GRB10: variants seen among roughly 807,000 people sequenced by gnomAD.
GRB10 encodes the protein growth factor receptor-bound protein 10.
A neutral mutation model predicts 80.9 loss-of-function variants in GRB10; 20 were observed. The observed-to-expected ratio is 0.25, with a 90% CI of 0.17 to 0.36. The LOEUF is 0.36. Ranked by LOEUF, GRB10 falls within the 10% of genes least tolerant of loss-of-function variation. The pLI is 1.00. For missense variants in GRB10, 548 were observed against 747.7 expected, an observed-to-expected ratio of 0.73 and a Z score of 3.12; for synonymous variants, 291 against 291.5, an observed-to-expected ratio of 1.00 and a Z score of 0.02.
intron 8 of GRB10, among the ~76,000 whole-genome samples, chr7:50,621,544 G>A (rs965233922): frequency 3.9e-5 from 6 of 152,206 alleles, no homozygotes; most frequent in Non-Finnish European, 8.8e-5. Context: ...GCAGCTGAGT[G>A]CCCCTGGCAC....
chr7:50,594,120 C>T (rs768773310), intron 18 of GRB10, among the ~76,000 whole-genome samples: 2 of 152,160 alleles, frequency 1.3e-5, no homozygotes, highest in African/African-American at 2.4e-5. Context: ...CAGCACTTTC[C>T]CTAGGACAGT....
intron 7 of GRB10, among the ~76,000 whole-genome samples, chr7:50,648,584 G>A (rs1376160149): frequency 6.6e-6 from 1 of 152,098 alleles, no homozygotes; most frequent in East Asian, 1.9e-4. Context: ...CAAGTCCTCT[G>A]CCAGCCCAAG....
chr7:50,669,931 G>A, intron 6 of GRB10, 68 bp from the exon 7 acceptor site: 2 of 1,532,706 alleles, frequency 1.3e-6, no homozygotes, highest in South Asian at 2.4e-5. Context: ...TACCACTGTG[G>A]TGATACACCC....
rs2052994932 is a variant in GRB10, at chr7:50,626,804, G to A, written c.661+18C>T. On this transcript the variant is annotated intron_variant, in intron 8 of 18. Coordinates refer to ENST00000401949, the MANE Select transcript of GRB10 (RefSeq NM_001350814.2). ...ATAAGCATCCCCAGGTGCCAATCCT[G>A]TTCTGATGGTTCCCTACCTAATCCT... 1.2e-6 allele frequency: 2 copies of A among 1,614,106 alleles called. No individual in the cohort carries two copies. The highest frequency in any genetic ancestry group is 1.7e-5 in the Admixed American group (1 of 60,024).
intron 4 of GRB10, among the ~76,000 whole-genome samples, chr7:50,731,852 C>T (rs1046280499): frequency 2.0e-5 from 3 of 152,200 alleles, no homozygotes; most frequent in Admixed American, 6.5e-5. Context: ...CACTCCCTCA[C>T]GCGTGAGCAC....
intron 5 of GRB10, among the ~76,000 whole-genome samples, chr7:50,683,139 A>G (rs2061725119): frequency 6.6e-6 from 1 of 152,218 alleles, no homozygotes; most frequent in Non-Finnish European, 1.5e-5. Flanking sequence ...AATATTATTC[A>G]GCCACAAAAA....
intron 7 of GRB10, among the ~76,000 whole-genome samples, chr7:50,661,085 C>T (rs892695671): frequency 1.3e-5 from 2 of 152,192 alleles, no homozygotes; most frequent in Non-Finnish European, 2.9e-5. Context: ...GCAAACTGCT[C>T]GGGACAGGCC....
chr7:50,605,128 G>C (rs1477548387), intron 15 of GRB10, 162 bp downstream of exon 15: 2 of 649,996 alleles, frequency 3.1e-6, no homozygotes, highest in African/African-American at 3.7e-5. Context: ...ACATGGAAGG[G>C]GCCTAGAAGG....
intron 7 of GRB10, among the ~76,000 whole-genome samples, chr7:50,628,214 C>G (rs1053397041): frequency 2.6e-5 from 4 of 152,234 alleles, no homozygotes; most frequent in Non-Finnish European, 5.9e-5. Context: ...CTGCCAACCT[C>G]CAAATAATCT....
intron 2 of GRB10, among the ~76,000 whole-genome samples, chr7:50,780,367 C>A (rs893692308): frequency 6.6e-5 from 10 of 152,114 alleles, no homozygotes; most frequent in Non-Finnish European, 1.5e-4. Context: ...CATGTGCTCC[C>A]AGACCTCCTA....
intron 4 of GRB10, 106 bp from the exon 5 acceptor site, chr7:50,704,014 C>T (rs1275396042): frequency 1.3e-6 from 1 of 747,192 alleles, no homozygotes; most frequent in Non-Finnish European, 2.4e-6. Context: ...CAATTCCTTA[C>T]TTCCTTTCCA....
rs184898281 is a variant in GRB10, at chr7:50,756,294, C to T, written c.-216-238G>A. 4.1e-3 allele frequency among the ~76,000 whole-genome samples: 632 copies of T among 152,354 alleles called. 4 individuals are homozygous for T. The highest frequency in any genetic ancestry group is 6.7e-3 in the Non-Finnish European group (458 of 68,020). On this transcript the variant is annotated intron_variant, in intron 2 of 18. Transcript: ENST00000401949. Reference sequence around the variant, plus strand: ...GAGGGAAGATGCACTGGGCTCTACGCTCACTGCCCACACATCTCTGCGTCT... The same window carrying T: ...GAGGGAAGATGCACTGGGCTCTACGTTCACTGCCCACACATCTCTGCGTCT...
intron 2 of GRB10, among the ~76,000 whole-genome samples, chr7:50,760,696 A>T (rs1015426811): frequency 6.6e-6 from 1 of 152,232 alleles, no homozygotes; most frequent in Non-Finnish European, 1.5e-5. Flanking sequence ...AGAAGAGTCA[A>T]ATCTGCAAAT....
intron 7 of GRB10, among the ~76,000 whole-genome samples, chr7:50,666,721 G>A (rs17449280): frequency 0.075 from 11,330 of 152,066 alleles, 688 homozygotes; most frequent in South Asian, 0.12. Flanking sequence ...ATCACATTAC[G>A]GAGCTACCAA....
intron 7 of GRB10, among the ~76,000 whole-genome samples, chr7:50,648,325 T>C (rs1188970707): frequency 6.6e-6 from 1 of 152,090 alleles, no homozygotes; most frequent in Non-Finnish European, 1.5e-5. Flanking sequence ...CCCGCTGGCT[T>C]TAGCCATGTG....
At chr7:50,749,484 A>G (rs1361345436) in intron 3 of GRB10, among the ~76,000 whole-genome samples, 5 of 152,220 alleles carry the variant, frequency 3.3e-5, no homozygotes, top group Non-Finnish European at 7.3e-5. Context: ...GGAATTTTAA[A>G]TAATTTTGCT....
intron 2 of GRB10, among the ~76,000 whole-genome samples, chr7:50,778,938 AAAGAG>A (rs2077989315): frequency 6.6e-6 from 1 of 152,246 alleles, no homozygotes; most frequent in Non-Finnish European, 1.5e-5. Flanking sequence ...ATCATAAACA[AAAGAG>A]AAACCACTAA....
intron 3 of GRB10, among the ~76,000 whole-genome samples, chr7:50,755,662 C>G (rs1352100385): frequency 6.6e-6 from 1 of 152,148 alleles, no homozygotes; most frequent in Non-Finnish European, 1.5e-5. Context: ...GTCCTCCCAT[C>G]CCTACCCGAC....
intron 5 of GRB10, among the ~76,000 whole-genome samples, chr7:50,677,834 C>T (rs546885784): frequency 2.6e-5 from 4 of 152,226 alleles, no homozygotes; most frequent in Non-Finnish European, 4.4e-5. Context: ...ATGCCACACA[C>T]GTGCACACGT....
Sources: gnomAD v4.1 joint callset for allele counts (sites outside exome capture counted in the v4.1 genomes callset) on GRCh38, gnomAD v4.1.1 for gene constraint, MANE v1.5 for transcripts, NCBI Gene and HGNC (gene_info 2026-07-23, HGNC 2026-07-21) for gene names.